Variants in PSD2 observed in about 807,000 individuals in gnomAD.
The protein encoded by PSD2 is pleckstrin and Sec7 domain containing 2, also known as PH and SEC7 domain-containing protein 2.
A neutral mutation model predicts 69.8 loss-of-function variants in PSD2; 38 were observed. The observed-to-expected ratio is 0.54, with a 90% CI of 0.42 to 0.71. The LOEUF is 0.71. PSD2 is among the 30% of genes least tolerant of loss of function. The pLI, the probability that PSD2 is intolerant of heterozygous loss-of-function variation, is 0.00. For missense variants in PSD2, 943 were observed against 1,014.5 expected, an observed-to-expected ratio of 0.93 and a Z score of 0.96; for synonymous variants, 412 against 423.0, an observed-to-expected ratio of 0.97 and a Z score of 0.32.
the PSD2 span, among the ~76,000 whole-genome samples, chr5:139,749,500 A>G: frequency 6.6e-6 from 1 of 152,216 alleles, no homozygotes; most frequent in Non-Finnish European, 1.5e-5. Flanking sequence ...TCATCTCACC[A>G]TGGATCCTCC....
At chr5:139,767,872 T>C in the PSD2 span, among the ~76,000 whole-genome samples, 2 of 152,232 alleles carry the variant, frequency 1.3e-5, no homozygotes, top group African/African-American at 4.8e-5. Context: ...AGGCTCTCAG[T>C]GATGACCAGC....
At chr5:139,767,460 A>C in the PSD2 span, among the ~76,000 whole-genome samples, 1 of 152,116 alleles carries the variant, frequency 6.6e-6, no homozygotes, top group African/African-American at 2.4e-5. Flanking sequence ...GATTACAGGC[A>C]TGCACCACCA....
the PSD2 span, among the ~76,000 whole-genome samples, chr5:139,748,911 G>C: frequency 6.6e-6 from 1 of 152,168 alleles, no homozygotes; most frequent in Admixed American, 6.5e-5. Flanking sequence ...GTATGTTGGG[G>C]GGGGTGAATA....
chr5:139,818,784 G>A (rs562497680), intron 5 of PSD2, among the ~76,000 whole-genome samples: 9 of 152,176 alleles, frequency 5.9e-5, no homozygotes, highest in South Asian at 2.1e-4. Context: ...CATGCTTAGC[G>A]TTCCAATAAT....
the PSD2 span, among the ~76,000 whole-genome samples, chr5:139,771,670 G>A: frequency 6.6e-6 from 1 of 152,146 alleles, no homozygotes. Context: ...GAGCCACCGC[G>A]CCCCGCAGCC....
chr5:139,813,857 G>A (rs1760043922), intron 3 of PSD2, 99 bp downstream of exon 3: 2 of 1,045,496 alleles, frequency 1.9e-6, no homozygotes, highest in African/African-American at 1.6e-5. Flanking sequence ...TCCAGAGTCA[G>A]CATGCCCTCT....
Position 139,838,696 on chromosome 5 carries a change from C to T in PSD2, c.1892C>T (p.Ala631Val). 3 of 1,614,046 alleles carry T rather than the reference C, an allele frequency of 1.9e-6. No individual in the cohort carries two copies. The highest frequency in any genetic ancestry group is 2.5e-6 in the Non-Finnish European group (3 of 1,179,956). The change falls in exon 13 of 15, where the codon GCC becomes GTC. Residue 631 changes from alanine to valine, a missense_variant. By Grantham distance (64) the Ala-to-Val change is moderately conservative. This residue lies in a region of PSD2 where 312 missense variants were observed against 400.7 expected (regional missense o/e 0.78). Transcript: ENST00000274710. ...GTGGCAGCCATCTTCTCTGCCCCGG[C>T]CTTCCCAGCCGCTGTCAGCTCCATG... ...NLVAAIFSAP[A>V]FPAAVSSMKK...
In PSD2 at chr5:139,839,437, G is replaced by A. The variant is rs886866401; in HGVS notation, c.1969-590G>A. Among the ~76,000 whole-genome samples the A allele has an allele frequency of 2.6e-5, 4 of 152,248 alleles. No individual in the cohort carries two copies. The highest frequency in any genetic ancestry group is 6.5e-5 in the Admixed American group (1 of 15,290). On this transcript the variant is annotated intron_variant, in intron 13 of 14. Coordinates refer to ENST00000274710, the MANE Select transcript of PSD2 (RefSeq NM_032289.4). This position sits in a 1 kb window ranked among gnomAD's most constrained non-coding sequence, Gnocchi z 5.1. ...ACACATTCACATGTGTAAACACACA[G>A]GTGGTGACTCATACACACATGCATG...
At chr5:139,759,243 C>T in the PSD2 span, among the ~76,000 whole-genome samples, 1 of 152,140 alleles carries the variant, frequency 6.6e-6, no homozygotes, top group Non-Finnish European at 1.5e-5. Flanking sequence ...CCGCAGATCC[C>T]AGCTGCCTCT....
intron 2 of PSD2, 149 bp from the exon 3 acceptor site, chr5:139,813,160 G>T: frequency 1.6e-6 from 1 of 623,458 alleles, no homozygotes; most frequent in South Asian, 3.0e-5. Context: ...GGCACCTTGT[G>T]CTCAGTTAGT....
upstream of PSD2, among the ~76,000 whole-genome samples, chr5:139,793,103 G>A (rs960316516): frequency 4.0e-5 from 6 of 151,858 alleles, no homozygotes; most frequent in South Asian, 4.2e-4. Flanking sequence ...CACCACACCC[G>A]GCTAATTTTT....
At chr5:139,793,974 A>G (rs986809641), upstream of PSD2, among the ~76,000 whole-genome samples, 2 of 152,210 alleles carry the variant, frequency 1.3e-5, no homozygotes, top group African/African-American at 4.8e-5. Flanking sequence ...CCCTGCCATG[A>G]GCACTTCCCT....
intron 4 of PSD2, among the ~76,000 whole-genome samples, chr5:139,816,309 T>C (rs1417111490): frequency 1.3e-5 from 2 of 152,240 alleles, no homozygotes; most frequent in Admixed American, 1.3e-4. Flanking sequence ...ATTCAGTCTG[T>C]GTTTAATTTT....
intron 5 of PSD2, among the ~76,000 whole-genome samples, chr5:139,818,752 A>T (rs1760186046): frequency 6.6e-6 from 1 of 152,192 alleles, no homozygotes; most frequent in Non-Finnish European, 1.5e-5. Flanking sequence ...CACCTTGAGC[A>T]GTAGGATATA....
chr5:139,840,184 G>A lies in PSD2; in HGVS notation c.2112+14G>A, dbSNP rs748278211. On this transcript the variant is annotated intron_variant, in intron 14 of 14. Transcript: ENST00000274710. ...CTCACCTTCGAGGTGAGCCTTGGGG[G>A]ACTGGATTGCAAAGCCCAGTGCCCT... 6.2e-7 allele frequency: 1 copy of A among 1,613,252 alleles called. No homozygotes were observed. Among genetic ancestry groups the A allele is most frequent in the Non-Finnish European group, 8.5e-7 (1 of 1,179,700 alleles).
chr5:139,786,210 C>T, the PSD2 span, among the ~76,000 whole-genome samples: 1 of 152,024 alleles, frequency 6.6e-6, no homozygotes, highest in Non-Finnish European at 1.5e-5. Flanking sequence ...CATAGTGAAA[C>T]CCTGTCTCTA....
intron 7 of PSD2, among the ~76,000 whole-genome samples, chr5:139,826,096 G>A (rs72794898): frequency 0.067 from 10,216 of 152,282 alleles, 347 homozygotes; most frequent in Non-Finnish European, 0.084. Context: ...AAGTGATGGC[G>A]CAAGAGTGAC....
chr5:139,770,658 G>A, the PSD2 span, among the ~76,000 whole-genome samples: 1 of 152,192 alleles, frequency 6.6e-6, no homozygotes, highest in African/African-American at 2.4e-5. Context: ...TAAGCCAACC[G>A]CTGACACTAA....
chr5:139,747,398 T>A, the PSD2 span, among the ~76,000 whole-genome samples: 1 of 152,144 alleles, frequency 6.6e-6, no homozygotes, highest in African/African-American at 2.4e-5. The surrounding 1 kb of genome is among the most constrained non-coding windows in gnomAD (Gnocchi z 6.7). Context: ...GCTTCAGGCC[T>A]CTGCGGATGG....
Sources: gnomAD v4.1 joint callset for allele counts (sites outside exome capture counted in the v4.1 genomes callset) on GRCh38, gnomAD v4.1.1 for gene constraint, gnomAD v4.1.1 regional missense constraint, Gnocchi (gnomAD v3.1) non-coding constraint, MANE v1.5 for transcripts, NCBI Gene and HGNC (gene_info 2026-07-23, HGNC 2026-07-21) for gene names.